Variants in FAM241B observed in about 807,000 individuals in gnomAD.
FAM241B encodes protein FAM241B.
FAM241B carries 7 observed loss-of-function variants against 9.3 expected under a neutral mutation model. That is an observed-to-expected ratio of 0.75 (90% CI 0.43 to 1.41). The LOEUF is 1.41. FAM241B is among the 40% of genes most tolerant of loss of function. The pLI, the probability that FAM241B is intolerant of heterozygous loss-of-function variation, is 0.01. For missense variants in FAM241B, 136 were observed against 159.6 expected, an observed-to-expected ratio of 0.85 and a Z score of 0.80; for synonymous variants, 60 against 64.1, an observed-to-expected ratio of 0.94 and a Z score of 0.31.
chr10:69,631,864 G>A (rs781585785), intron 3 of FAM241B, 25 bp downstream of exon 3: 2 of 1,593,188 alleles, frequency 1.3e-6, no homozygotes, highest in Admixed American at 3.6e-5. Context: ...CCTGTGGAGT[G>A]GGACAGATGG....
In FAM241B at chr10:69,631,487, A is replaced by T; in HGVS notation, c.-96A>T. Reference sequence around the variant, plus strand: ...CCCCTTTTTGTTAATCAGACACAGCATCTACTCAGCGTGGGTCACCTCTGT... The same window carrying T: ...CCCCTTTTTGTTAATCAGACACAGCTTCTACTCAGCGTGGGTCACCTCTGT... On this transcript the variant is annotated 5_prime_UTR_variant, in exon 2 of 4. Transcript: ENST00000373279. 6.6e-7 allele frequency: 1 copy of T among 1,525,334 alleles called. No homozygotes were observed. Among genetic ancestry groups the T allele is most frequent in the Non-Finnish European group, 8.8e-7 (1 of 1,130,604 alleles). 94.5% of individuals were successfully genotyped at this position (1,525,334 alleles called of 1,614,324 possible). A position where few individuals can be genotyped will look rare whatever the true frequency, so the allele number is the denominator to read the frequency against.
chr10:69,631,208 T>C (rs1839813731), intron 1 of FAM241B, among the ~76,000 whole-genome samples: 1 of 152,200 alleles, frequency 6.6e-6, no homozygotes, highest in African/African-American at 2.4e-5. Flanking sequence ...TAAGTCTCCC[T>C]GTGCCTCCGC....
At position 69,633,015 on chromosome 10, in the gene FAM241B, C is replaced by G; in HGVS notation, c.322C>G (p.Leu108Val). The change falls in exon 4 of 4, where the codon CTG becomes GTG. Residue 108 changes from leucine to valine, a missense_variant. By Grantham distance (32) the Leu-to-Val change is conservative. Coordinates refer to ENST00000373279, the MANE Select transcript of FAM241B (RefSeq NM_145306.3). ...LMMLGVRGLL[L>V]VGLVYLVSHL... ...GATGCTTGGTGTTCGTGGCCTCCTC[C>G]TGGTTGGCCTTGTCTACCTGGTGTC... is the stretch of plus-strand genomic sequence containing the variant. 6.2e-7 allele frequency: 1 copy of G among 1,614,222 alleles called. No homozygotes were observed. Among genetic ancestry groups the G allele is most frequent in the Non-Finnish European group, 8.5e-7 (1 of 1,180,050 alleles).
Position 69,631,496 on chromosome 10 carries a change from G to A in FAM241B, c.-87G>A. ...GTTAATCAGACACAGCATCTACTCAGCGTGGGTCACCTCTGTGAACATCAC... is the reference window on the plus strand; with the variant it reads ...GTTAATCAGACACAGCATCTACTCAACGTGGGTCACCTCTGTGAACATCAC... On this transcript the variant is annotated 5_prime_UTR_variant, in exon 2 of 4. Coordinates refer to ENST00000373279, the MANE Select transcript of FAM241B (RefSeq NM_145306.3). 1 of 1,530,846 alleles carries A rather than the reference G, an allele frequency of 6.5e-7. No homozygotes were observed. The allele number at this position is 1,530,846 out of a possible 1,614,324, so 94.8% of individuals were successfully genotyped here.
In FAM241B at chr10:69,633,162, G is replaced by A. The variant is rs554299114; in HGVS notation, c.*103G>A. ...GGATCTGGTGGTGCCTTGAAGGTAT[G>A]ATCAGAGAGGGGACCACAGGTGTGT... On this transcript the variant is annotated 3_prime_UTR_variant, in exon 4 of 4. Coordinates refer to ENST00000373279, the MANE Select transcript of FAM241B (RefSeq NM_145306.3). 5.0e-5 allele frequency: 73 copies of A among 1,472,606 alleles called. No individual in the cohort carries two copies. In the South Asian group the frequency reaches 8.9e-4, roughly 18 times the overall value. 91.2% of individuals were successfully genotyped at this position (1,472,606 alleles called of 1,614,324 possible).
At chr10:69,631,591 C>T in intron 2 of FAM241B, 44 bp downstream of exon 2, 1 of 1,547,366 alleles carries the variant, frequency 6.5e-7, no homozygotes, top group Non-Finnish European at 8.7e-7. Flanking sequence ...GGGGAAAATC[C>T]TCCACAGATC....
chr10:69,630,637 A>G (rs977096), intron 1 of FAM241B: 285,774 of 1,298,406 alleles, frequency 0.22, 33,363 homozygotes, highest in South Asian at 0.25. Context: ...TTCGGCATAC[A>G]TGTCACCAGT....
chr10:69,631,504 C>T lies in FAM241B; in HGVS notation c.-79C>T. ...GACACAGCATCTACTCAGCGTGGGT[C>T]ACCTCTGTGAACATCACTGACTGCA... On this transcript the variant is annotated 5_prime_UTR_variant, in exon 2 of 4. Coordinates refer to ENST00000373279, the MANE Select transcript of FAM241B (RefSeq NM_145306.3). The T allele has an allele frequency of 6.5e-7, 1 of 1,535,586 alleles. No homozygotes were observed. The highest frequency in any genetic ancestry group is 8.8e-7 in the Non-Finnish European group (1 of 1,137,430).
rs1839862287 is a variant in FAM241B, at chr10:69,633,186, G to T, written c.*127G>T. On this transcript the variant is annotated 3_prime_UTR_variant, in exon 4 of 4. Transcript: ENST00000373279. The stretch of plus-strand genomic sequence containing the variant: ...TGATCAGAGAGGGGACCACAGGTGT[G>T]TGTTTCCCCTTTGTGTTAAGCGTGA... 1 of 1,345,422 alleles carries T rather than the reference G, an allele frequency of 7.4e-7. No individual in the cohort carries two copies. The highest frequency in any genetic ancestry group is 1.3e-5 in the South Asian group (1 of 74,172). The allele number at this position is 1,345,422 out of a possible 1,614,324, so 83.3% of individuals were successfully genotyped here.
chr10:69,633,173 G>A lies in FAM241B; in HGVS notation c.*114G>A. 1.4e-6 allele frequency: 2 copies of A among 1,419,632 alleles called. No individual in the cohort carries two copies. Among genetic ancestry groups the A allele is most frequent in the Non-Finnish European group, 1.9e-6 (2 of 1,038,622 alleles). The allele number at this position is 1,419,632 out of a possible 1,614,324, so 87.9% of individuals were successfully genotyped here. On this transcript the variant is annotated 3_prime_UTR_variant, in exon 4 of 4. Transcript: ENST00000373279. Reference sequence around the variant, plus strand: ...TGCCTTGAAGGTATGATCAGAGAGGGGACCACAGGTGTGTGTTTCCCCTTT... The same window carrying A: ...TGCCTTGAAGGTATGATCAGAGAGGAGACCACAGGTGTGTGTTTCCCCTTT...
At chr10:69,630,611 A>G (rs1421689962) in intron 1 of FAM241B, 6 of 1,292,622 alleles carry the variant, frequency 4.6e-6, no homozygotes, top group South Asian at 1.3e-5. Context: ...GCAAGACCAC[A>G]GGGCTCCTGA....
chr10:69,631,356 G>C, intron 1 of FAM241B, 124 bp from the exon 2 acceptor site: 1 of 714,414 alleles, frequency 1.4e-6, no homozygotes, highest in Non-Finnish European at 2.1e-6. Context: ...TGGCAGTGTA[G>C]TGATTGGCAG....
chr10:69,631,738 G>GC lies in FAM241B; in HGVS notation c.-6_-5insC. ...AGCCCATCAGGGACCCACAGCGCCT[G>GC]GGAGGATGGTGCGGATCTTGGCCAA... On this transcript the variant is annotated 5_prime_UTR_variant, in exon 3 of 4. Transcript: ENST00000373279. 6.2e-7 allele frequency: 1 copy of GC among 1,612,376 alleles called. No individual in the cohort carries two copies. Among genetic ancestry groups the GC allele is most frequent in the South Asian group, 1.1e-5 (1 of 90,206 alleles).
At position 69,632,975 on chromosome 10, in the gene FAM241B, C is replaced by T. The variant is rs1158630296; in HGVS notation, c.282C>T (p.Leu94=). ...TGGAGCCGGTGACCTCCATCCTGCT[C>T]CTCTTCCTGCTCATGATGCTTGGTG... ...HAVEPVTSIL[L]LFLLMMLGVR... is the part of the protein sequence containing the mutation. The change falls in exon 4 of 4, where the codon CTC becomes CTT. Residue 94 remains leucine (L), a synonymous_variant. Coordinates refer to ENST00000373279, the MANE Select transcript of FAM241B (RefSeq NM_145306.3). The T allele has an allele frequency of 8.1e-6, 13 of 1,614,060 alleles. No individual in the cohort carries two copies. Among genetic ancestry groups the T allele is most frequent in the Non-Finnish European group, 9.3e-6 (11 of 1,180,034 alleles).
Position 69,633,180 on chromosome 10 carries a change from A to G in FAM241B, c.*121A>G. On this transcript the variant is annotated 3_prime_UTR_variant, in exon 4 of 4. Transcript: ENST00000373279. The stretch of plus-strand genomic sequence containing the variant: ...AAGGTATGATCAGAGAGGGGACCAC[A>G]GGTGTGTGTTTCCCCTTTGTGTTAA... The G allele has an allele frequency of 7.3e-7, 1 of 1,375,604 alleles. No individual in the cohort carries two copies. Among genetic ancestry groups the G allele is most frequent in the South Asian group, 1.3e-5 (1 of 75,498 alleles). The allele number at this position is 1,375,604 out of a possible 1,614,324, so 85.2% of individuals were successfully genotyped here. A position where few individuals can be genotyped will look rare whatever the true frequency, so the allele number is the denominator to read the frequency against.
At position 69,631,717 on chromosome 10, in the gene FAM241B, C is replaced by T; in HGVS notation, c.-27C>T. 6.2e-7 allele frequency: 1 copy of T among 1,608,382 alleles called. No individual in the cohort carries two copies. Among genetic ancestry groups the T allele is most frequent in the South Asian group, 1.1e-5 (1 of 89,264 alleles). Reference sequence around the variant, plus strand: ...CTGACCACACAATGCAGGTGCAGCCCATCAGGGACCCACAGCGCCTGGGAG... The same window carrying T: ...CTGACCACACAATGCAGGTGCAGCCTATCAGGGACCCACAGCGCCTGGGAG... On this transcript the variant is annotated 5_prime_UTR_variant, in exon 3 of 4. Coordinates refer to ENST00000373279, the MANE Select transcript of FAM241B (RefSeq NM_145306.3).
chr10:69,630,806 A>G lies in FAM241B; in HGVS notation c.-104+493A>G, dbSNP rs2306140. The G allele has an allele frequency of 1.4e-3, 867 of 630,630 alleles. 10 individuals are homozygous for G. The highest frequency in any genetic ancestry group is 9.9e-3 in the East Asian group (93 of 9,436). The allele number at this position is 630,630 out of a possible 1,614,324, so 39.1% of individuals were successfully genotyped here. On this transcript the variant is annotated intron_variant, in intron 1 of 3. Transcript: ENST00000373279. ...AGCAACCCCCTCCCATATTTTGGGA[A>G]GGCTGGGCCCTGCGCCCGTTAGCCA... is the stretch of plus-strand genomic sequence containing the variant.
chr10:69,631,969 A>ACTTGGGGT, intron 3 of FAM241B, 130 bp downstream of exon 3: 1 of 1,265,288 alleles, frequency 7.9e-7, no homozygotes, highest in Non-Finnish European at 1.1e-6. Context: ...AGAGCTGGGG[A>ACTTGGGGT]AGATGCAGTG....
At position 69,631,009 on chromosome 10, in the gene FAM241B, G is replaced by A. The variant is rs1204269342; in HGVS notation, c.-103-471G>A. ...CTGGGTGTTCCTGGGGAAGGCCCAGGTGGTGACATTGACTCCCTGGGGGAG... is the reference window on the plus strand; with the variant it reads ...CTGGGTGTTCCTGGGGAAGGCCCAGATGGTGACATTGACTCCCTGGGGGAG... On this transcript the variant is annotated intron_variant, in intron 1 of 3. Coordinates refer to ENST00000373279, the MANE Select transcript of FAM241B (RefSeq NM_145306.3). Among the ~76,000 whole-genome samples, 3 of 152,330 alleles carry A rather than the reference G, an allele frequency of 2.0e-5. No individual in the cohort carries two copies. In the East Asian group the frequency reaches 5.8e-4, roughly 29 times the overall value.
Sources: allele counts gnomAD v4.1 joint callset (sites outside exome capture counted in the v4.1 genomes callset), GRCh38; gene constraint gnomAD v4.1.1; transcripts MANE v1.5; gene names NCBI Gene and HGNC (gene_info 2026-07-23, HGNC 2026-07-21).